The following MYO5B variants were observed in gnomAD, a reference collection of about 807,000 sequenced individuals.
MYO5B encodes the protein unconventional myosin-Vb.
Under a neutral mutation model 229.3 loss-of-function variants are expected in MYO5B, and 143 were observed. The observed-to-expected ratio is 0.62, with a 90% confidence interval of 0.54 to 0.72. The LOEUF is 0.72. Ranked by LOEUF, MYO5B falls within the 30% of genes least tolerant of loss-of-function variation. The pLI, the probability that MYO5B is intolerant of heterozygous loss-of-function variation, is 0.00. For missense variants in MYO5B, 2,321 were observed against 2,331.0 expected, an observed-to-expected ratio of 1.00 and a Z score of 0.09; for synonymous variants, 918 against 885.2, an observed-to-expected ratio of 1.04 and a Z score of -0.66.
chr18:50,002,073 A>G (rs964594309), intron 4 of MYO5B, among the ~76,000 whole-genome samples: 1 of 150,976 alleles, frequency 6.6e-6, no homozygotes, highest in African/African-American at 2.4e-5. Flanking sequence ...ACACACTTTC[A>G]GTTATATCAT....
intron 1 of MYO5B, among the ~76,000 whole-genome samples, chr18:50,077,291 A>G (rs1252078868): frequency 6.6e-6 from 1 of 151,662 alleles, no homozygotes; most frequent in Non-Finnish European, 1.5e-5. Context: ...TCAAGTTTGT[A>G]TAACACACTA....
At position 49,875,834 on chromosome 18, in the gene MYO5B, AG is replaced by A. The variant is rs1250398704; in HGVS notation, c.3397-8del. Reference sequence around the variant, plus strand: ...CCTTCTCCAGGCCAATTTCCTTCAAAGGAAGACAGGCACAGAAAAAAGGTTT... The same window carrying A: ...CCTTCTCCAGGCCAATTTCCTTCAAAGAAGACAGGCACAGAAAAAAGGTTT... On this transcript the variant is annotated splice_region_variant and splice_polypyrimidine_tract_variant and intron_variant, in intron 25 of 39. Coordinates refer to ENST00000285039, the MANE Select transcript of MYO5B (RefSeq NM_001080467.3). The A allele has an allele frequency of 3.7e-6, 6 of 1,613,934 alleles. No homozygotes were observed. In the East Asian group the frequency reaches 6.7e-5, roughly 18 times the overall value.
intron 33 of MYO5B, among the ~76,000 whole-genome samples, chr18:49,845,778 G>A (rs1008027897): frequency 3.3e-5 from 5 of 152,208 alleles, no homozygotes; most frequent in Non-Finnish European, 7.3e-5. Flanking sequence ...AGAGCAGGGA[G>A]GTGGCCTGTT....
At chr18:49,928,651 A>T (rs1483297882) in intron 17 of MYO5B, among the ~76,000 whole-genome samples, 2 of 152,238 alleles carry the variant, frequency 1.3e-5, no homozygotes, top group Admixed American at 6.5e-5. Flanking sequence ...AGAAGTCGTT[A>T]TATGAAAAAG....
Position 49,963,026 on chromosome 18 carries a change from C to A in MYO5B, c.1327G>T (p.Glu443Ter). The change falls in exon 11 of 40, where the codon GAG (glutamate) becomes TAG (stop). Residue 443 changes from glutamate (E) to a stop codon, truncating the protein, a stop_gained. Transcript: ENST00000285039. LOFTEE classifies it high-confidence loss of function. ...FIGVLDIYGF[E>*]TFEVNSFEQF... ...TCAAAGCTGTTTACCTCAAATGTCT[C>A]AAACCTACAGAATGGAAAGAGAAGA... 1 of 1,613,494 alleles carries A rather than the reference C, an allele frequency of 6.2e-7. No homozygotes were observed. Among genetic ancestry groups the A allele is most frequent in the South Asian group, 1.1e-5 (1 of 91,068 alleles).
chr18:50,089,718 C>T (rs889734980), intron 1 of MYO5B, among the ~76,000 whole-genome samples: 1 of 152,186 alleles, frequency 6.6e-6, no homozygotes, highest in Non-Finnish European at 1.5e-5. Flanking sequence ...TAACGCTGCT[C>T]TGCAAACACA....
chr18:49,945,764 G>GGAGGAGAGGAGGA (rs1555645998), intron 14 of MYO5B, among the ~76,000 whole-genome samples: 3 of 64,596 alleles, frequency 4.6e-5, no homozygotes, highest in South Asian at 7.7e-4. Flanking sequence ...GGGAGGAGGA[G>GGAGGAGAGGAGGA]GAGGAGGAGA....
intron 22 of MYO5B, among the ~76,000 whole-genome samples, chr18:49,893,157 G>A (rs1300325467): frequency 6.6e-6 from 1 of 152,348 alleles, no homozygotes; most frequent in South Asian, 2.1e-4. Flanking sequence ...AGGAAGCAGG[G>A]ACGCGGGGCT....
chr18:50,162,767 C>A (rs2032787032), intron 1 of MYO5B, among the ~76,000 whole-genome samples: 1 of 152,232 alleles, frequency 6.6e-6, no homozygotes, highest in South Asian at 2.1e-4. Context: ...CTTTCTGAGG[C>A]AGCACCATCT....
At chr18:50,113,347 C>T (rs1450801334) in intron 1 of MYO5B, among the ~76,000 whole-genome samples, 1 of 152,184 alleles carries the variant, frequency 6.6e-6, no homozygotes, top group African/African-American at 2.4e-5. Flanking sequence ...TCACTGATGC[C>T]TCCCTGTGAT....
chr18:50,037,198 C>T (rs1283911837), intron 3 of MYO5B, among the ~76,000 whole-genome samples: 2 of 151,016 alleles, frequency 1.3e-5, no homozygotes. Flanking sequence ...AATAAGCATA[C>T]ACACATACAC....
chr18:49,997,875 C>T lies in MYO5B; in HGVS notation c.612+3380G>A, dbSNP rs372454537. On this transcript the variant is annotated intron_variant, in intron 5 of 39. Coordinates refer to ENST00000285039, the MANE Select transcript of MYO5B (RefSeq NM_001080467.3). ...AATGAGACAACGCCGTGACCATAAC[C>T]GATTGCTTTGTTGGGAGGTGCCATC... Among the ~76,000 whole-genome samples the T allele has an allele frequency of 9.2e-5, 14 of 152,218 alleles. 1 individual carries two copies. The South Asian group carries it at 1.0e-3, about 11-fold the overall frequency.
chr18:50,096,823 AGCTCCCT>A (rs1568105091), intron 1 of MYO5B, among the ~76,000 whole-genome samples: 12 of 151,878 alleles, frequency 7.9e-5, no homozygotes, highest in African/African-American at 2.9e-4. Flanking sequence ...TTCCTGCTGG[AGCTCCCT>A]AGGTCCAACA....
At chr18:49,871,383 T>C (rs2024454093) in intron 27 of MYO5B, among the ~76,000 whole-genome samples, 1 of 152,190 alleles carries the variant, frequency 6.6e-6, no homozygotes, top group African/African-American at 2.4e-5. Flanking sequence ...TATGAGTGTA[T>C]TTAATACCAT....
In MYO5B at chr18:49,998,856, G is replaced by A. The variant is rs1044782812; in HGVS notation, c.612+2399C>T. 1.2e-4 allele frequency among the ~76,000 whole-genome samples: 18 copies of A among 152,322 alleles called. No homozygotes were observed. The East Asian group carries it at 1.3e-3, about 11-fold the overall frequency. ...AGGGGCTGGAGGAAGGGAGAATGGA[G>A]AGTTACTGTTTAATGGGTAAATAAT... On this transcript the variant is annotated intron_variant, in intron 5 of 39. Coordinates refer to ENST00000285039, the MANE Select transcript of MYO5B (RefSeq NM_001080467.3).
At chr18:49,939,435 T>C (rs1163701503) in intron 14 of MYO5B, among the ~76,000 whole-genome samples, 2 of 152,194 alleles carry the variant, frequency 1.3e-5, no homozygotes, top group Admixed American at 6.5e-5. Flanking sequence ...TGAGCCACCA[T>C]GCCCGGCCTA....
At chr18:49,978,599 C>T (rs1218383628) in intron 9 of MYO5B, among the ~76,000 whole-genome samples, 1 of 151,858 alleles carries the variant, frequency 6.6e-6, no homozygotes, top group African/African-American at 2.4e-5. Context: ...TGCTGAGCAC[C>T]ACAATAGATG....
chr18:49,911,571 C>A (rs1441592712), intron 18 of MYO5B, among the ~76,000 whole-genome samples: 3 of 152,196 alleles, frequency 2.0e-5, no homozygotes, highest in Non-Finnish European at 4.4e-5. Flanking sequence ...GGGAAGTCCA[C>A]AATGTCAATT....
chr18:49,866,396 T>C (rs1368691793), intron 27 of MYO5B, among the ~76,000 whole-genome samples: 1 of 152,110 alleles, frequency 6.6e-6, no homozygotes, highest in Non-Finnish European at 1.5e-5. Context: ...ACGTGCACAG[T>C]TCAGTGACAT....
Sources: gnomAD v4.1 joint callset for allele counts (sites outside exome capture counted in the v4.1 genomes callset) on GRCh38, gnomAD v4.1.1 for gene constraint, MANE v1.5 for transcripts, NCBI Gene and HGNC (gene_info 2026-07-23, HGNC 2026-07-21) for gene names.